Variants in TRIM2 observed in about 807,000 individuals in gnomAD.
The protein encoded by TRIM2 is tripartite motif-containing protein 2.
Under a neutral mutation model 75.2 loss-of-function variants are expected in TRIM2, and 20 were observed. That is an observed-to-expected ratio of 0.27 (90% confidence interval 0.19 to 0.39). TRIM2 has a LOEUF of 0.39. Among genes scored for constraint, TRIM2 ranks in the 10% least tolerant of loss-of-function variants. The probability of loss-of-function intolerance (pLI) is 1.00; values close to 1 mark genes in which losing one functional copy is unlikely to be tolerated. For missense variants in TRIM2, 660 were observed against 990.8 expected (o/e 0.67, Z 4.48); for synonymous variants, 373 against 388.3 (o/e 0.96, Z 0.46).
chr4:153,263,805 T>C (rs1754200751), intron 1 of TRIM2, among the ~76,000 whole-genome samples: 1 of 152,206 alleles, frequency 6.6e-6, no homozygotes, highest in Non-Finnish European at 1.5e-5. Flanking sequence ...CTCTTCTGGC[T>C]TTATAGGCAG....
At chr4:153,244,096 A>C (rs151104241) in intron 1 of TRIM2, among the ~76,000 whole-genome samples, 64 of 151,430 alleles carry the variant, frequency 4.2e-4, no homozygotes, top group African/African-American at 1.5e-3. Flanking sequence ...CTGGGATTAC[A>C]CACATGAGCT....
rs73854660 is a variant in TRIM2, at chr4:153,338,337, A to G, written c.*3371A>G. 6 of 985,614 alleles carry G rather than the reference A, an allele frequency of 6.1e-6. No homozygotes were observed. Among genetic ancestry groups the G allele is most frequent in the Non-Finnish European group, 6.0e-6 (5 of 829,898 alleles). 61.1% of individuals were successfully genotyped at this position (985,614 alleles called of 1,614,324 possible). On this transcript the variant is annotated 3_prime_UTR_variant, in exon 12 of 12. Transcript: ENST00000338700. ...TGGGAAAAATCTTTTTGTAGACTCT[A>G]TAGTACCCTCTCTATTCACTAGCTT... is the stretch of plus-strand genomic sequence containing the variant.
chr4:153,194,410 AT>A (rs1408065285), intron 1 of TRIM2, among the ~76,000 whole-genome samples: 2 of 152,196 alleles, frequency 1.3e-5, no homozygotes, highest in East Asian at 3.9e-4. Flanking sequence ...ATTCCACTTA[AT>A]CATTTTGGTT....
At chr4:153,203,631 C>T (rs563337346), upstream of TRIM2, among the ~76,000 whole-genome samples, 72 of 152,030 alleles carry the variant, frequency 4.7e-4, no homozygotes, top group South Asian at 9.1e-3. Context: ...GTGGCACACT[C>T]CTGTAATCCC....
intron 4 of TRIM2, 23 bp downstream of exon 4, chr4:153,293,156 C>A: frequency 6.3e-7 from 1 of 1,588,626 alleles, no homozygotes; most frequent in Non-Finnish European, 8.6e-7. Context: ...TCCCCAAACC[C>A]CCAACTGGCT....
In TRIM2 at chr4:153,295,628, G is replaced by A. The variant is rs1174865955; in HGVS notation, c.1102G>A (p.Gly368Arg). The change falls in exon 6 of 12, where the codon GGG becomes AGG. Residue 368 changes from glycine (G) to arginine (R), a missense_variant. By Grantham distance (125) the Gly-to-Arg change is moderately radical. This residue lies in a region of TRIM2 where 620 missense variants were observed against 891.0 expected (regional missense o/e 0.70). Coordinates refer to ENST00000338700, the MANE Select transcript of TRIM2 (RefSeq NM_015271.5). The surrounding 1 kb of genome is among the most constrained non-coding windows in gnomAD (Gnocchi z 7.2). ...TGEGLRQTII[G>R]QPMSVTITTK... ...CGAGGGGCTGCGGCAGACCATCATC[G>A]GGCAGCCCATGTCCGTCACCATCAC... is the stretch of plus-strand genomic sequence containing the variant. The A allele has an allele frequency of 2.5e-6, 4 of 1,613,786 alleles. No individual in the cohort carries two copies. Among genetic ancestry groups the A allele is most frequent in the Non-Finnish European group, 3.4e-6 (4 of 1,179,988 alleles).
chr4:153,161,874 A>G (rs1340361403), intron 1 of TRIM2, among the ~76,000 whole-genome samples: 2 of 152,228 alleles, frequency 1.3e-5, no homozygotes, highest in East Asian at 3.8e-4. Flanking sequence ...TAGGGAACAT[A>G]AAGTTGCAAT....
At chr4:153,258,106 T>C (rs1752519989) in intron 1 of TRIM2, among the ~76,000 whole-genome samples, 1 of 152,166 alleles carries the variant, frequency 6.6e-6, no homozygotes, top group South Asian at 2.1e-4. Flanking sequence ...AATATTTGAT[T>C]TGCAGGATTC....
intron 3 of TRIM2, among the ~76,000 whole-genome samples, chr4:153,279,255 G>A (rs919177080): frequency 1.3e-5 from 2 of 152,144 alleles, no homozygotes; most frequent in Non-Finnish European, 2.9e-5. Flanking sequence ...AAATAAAAAG[G>A]CCTGTGCTAA....
chr4:153,268,323 G>T (rs115559419), intron 1 of TRIM2, among the ~76,000 whole-genome samples: 1,900 of 152,020 alleles, frequency 0.012, 27 homozygotes, highest in African/African-American at 0.044. Context: ...AAGGGAGACT[G>T]GTCCTTAGGC....
At chr4:153,153,623 G>T (rs1041524807) in intron 1 of TRIM2, among the ~76,000 whole-genome samples, 2 of 152,238 alleles carry the variant, frequency 1.3e-5, no homozygotes, top group Admixed American at 1.3e-4. Context: ...TTTGAAGATG[G>T]AGAGAAGGCG....
chr4:153,305,155 G>A (rs932799080), intron 6 of TRIM2, among the ~76,000 whole-genome samples: 3 of 152,210 alleles, frequency 2.0e-5, no homozygotes, highest in African/African-American at 7.2e-5. Flanking sequence ...CAGTAGAGTA[G>A]ATAGTTAAGG....
chr4:153,206,129 G>A (rs576633997), intron 1 of TRIM2, among the ~76,000 whole-genome samples: 135 of 152,326 alleles, frequency 8.9e-4, no homozygotes, highest in African/African-American at 3.2e-3. Flanking sequence ...CACCTAAGTA[G>A]GTGTCCCACA....
chr4:153,156,060 T>C (rs968504526), intron 1 of TRIM2, among the ~76,000 whole-genome samples: 5 of 152,222 alleles, frequency 3.3e-5, no homozygotes, highest in African/African-American at 7.2e-5. Context: ...TCTTTAGAGG[T>C]TGGCAACTAA....
At chr4:153,270,697 A>C (rs1466524379) in intron 2 of TRIM2, among the ~76,000 whole-genome samples, 178 bp downstream of exon 2, 1 of 152,234 alleles carries the variant, frequency 6.6e-6, no homozygotes, top group Non-Finnish European at 1.5e-5. Context: ...ATTTCAAACC[A>C]TTATAAGCAA....
chr4:153,261,606 G>A (rs1753609307), intron 1 of TRIM2, among the ~76,000 whole-genome samples: 2 of 152,128 alleles, frequency 1.3e-5, no homozygotes, highest in South Asian at 4.1e-4. Flanking sequence ...TTGTTTTTCA[G>A]TAGAATCTTG....
chr4:153,243,824 C>A (rs1200860411), intron 1 of TRIM2, among the ~76,000 whole-genome samples: 2 of 135,230 alleles, frequency 1.5e-5, no homozygotes, highest in East Asian at 4.9e-4. Flanking sequence ...TTTTTCCCCC[C>A]CCCCTTGAGA....
At chr4:153,262,433 GT>G (rs1205710993) in intron 1 of TRIM2, among the ~76,000 whole-genome samples, 1 of 152,214 alleles carries the variant, frequency 6.6e-6, no homozygotes, top group Non-Finnish European at 1.5e-5. Context: ...CAGTTTACTG[GT>G]TTGGGTGGTG....
At chr4:153,158,712 C>T (rs1438759648) in intron 1 of TRIM2, among the ~76,000 whole-genome samples, 1 of 152,188 alleles carries the variant, frequency 6.6e-6, no homozygotes, top group Non-Finnish European at 1.5e-5. Context: ...GCCTGTTCTA[C>T]ACCAAGGCTA....
Sources: gnomAD v4.1 joint callset for allele counts (sites outside exome capture counted in the v4.1 genomes callset) on GRCh38, gnomAD v4.1.1 for gene constraint, gnomAD v4.1.1 regional missense constraint, Gnocchi (gnomAD v3.1) non-coding constraint, MANE v1.5 for transcripts, NCBI Gene and HGNC (gene_info 2026-07-23, HGNC 2026-07-21) for gene names.